ZNF823: variants seen among roughly 807,000 people sequenced by gnomAD.
The protein encoded by ZNF823 is zinc finger protein 823, also known as ZFP 36 for a zinc finger protein.
ZNF823 carries 5 observed loss-of-function variants against 11.4 expected under a neutral mutation model. The ratio of observed to expected loss-of-function variants is 0.44; its 90% CI spans 0.23 to 0.92. The LOEUF (loss-of-function observed/expected upper bound fraction) is 0.92, where lower values mean the gene tolerates loss of function less well. Ranked by LOEUF, ZNF823 falls within the 40% of genes least tolerant of loss-of-function variation. ZNF823 has a pLI of 0.24. For synonymous variants in ZNF823, 234 were observed against 250.5 expected (o/e 0.93, Z 0.62); for missense variants, 582 against 738.5 (o/e 0.79, Z 2.46).
At position 11,722,229 on chromosome 19, in the gene ZNF823, TTCA is replaced by T; in HGVS notation, c.1302_1304del (p.His434_Glu435delinsGln). ...AGGGTTTCACTCCAGTGTGAGTTGC[TTCA>T]TGTCTTCGAAGGGAACCGGCAAGAC... On this transcript the variant is annotated inframe_deletion, in exon 4 of 4. Coordinates refer to ENST00000341191, the MANE Select transcript of ZNF823 (RefSeq NM_001080493.4). This position sits in a 1 kb window ranked among gnomAD's most constrained non-coding sequence, Gnocchi z 5.2. The T allele has an allele frequency of 6.2e-7, 1 of 1,614,060 alleles. No homozygotes were observed. Among genetic ancestry groups the T allele is most frequent in the Non-Finnish European group, 8.5e-7 (1 of 1,179,998 alleles).
At position 11,737,019 on chromosome 19, in the gene ZNF823, C is replaced by G. The variant is rs571732853; in HGVS notation, c.3+1798G>C. Among the ~76,000 whole-genome samples the G allele has an allele frequency of 3.3e-5, 5 of 152,314 alleles. No individual in the cohort carries two copies. The East Asian group carries it at 7.7e-4, about 24-fold the overall frequency. On this transcript the variant is annotated intron_variant, in intron 1 of 3. Coordinates refer to ENST00000341191, the MANE Select transcript of ZNF823 (RefSeq NM_001080493.4). ...TGCTCCCCTATAAGGTCCCACCCCC[C>G]ACCTCTGGCTGTCCTCTGGGAGGAG...
At chr19:11,725,491 C>T (rs1974774226) in intron 1 of ZNF823, among the ~76,000 whole-genome samples, 164 bp from the exon 2 acceptor site, 1 of 152,206 alleles carries the variant, frequency 6.6e-6, no homozygotes, top group Non-Finnish European at 1.5e-5. Context: ...CCCACAAAGC[C>T]ATTGTGATGC....
rs554595354 is a variant in ZNF823, at chr19:11,738,553, T to C, written c.3+264A>G. 3.9e-5 allele frequency among the ~76,000 whole-genome samples: 6 copies of C among 152,290 alleles called. No homozygotes were observed. The East Asian group carries it at 1.2e-3, about 30-fold the overall frequency. ...TGCACAATCTGGGGAGACGCGGAGC[T>C]GCGGGCGCGGAGCTGCCCAGAGAGG... On this transcript the variant is annotated intron_variant, in intron 1 of 3. Transcript: ENST00000341191.
chr19:11,731,510 C>A (rs1974894266), intron 1 of ZNF823, among the ~76,000 whole-genome samples: 1 of 152,138 alleles, frequency 6.6e-6, no homozygotes, highest in Non-Finnish European at 1.5e-5. Context: ...GTGCCGTTCG[C>A]TGAACACCAA....
Position 11,723,233 on chromosome 19 carries a change from C to A in ZNF823, c.301G>T (p.Gly101Cys). 1.2e-6 allele frequency: 2 copies of A among 1,614,130 alleles called. No individual in the cohort carries two copies. The highest frequency in any genetic ancestry group is 1.7e-6 in the Non-Finnish European group (2 of 1,179,986). The stretch of plus-strand genomic sequence containing the variant: ...CCCAAGACGACTTCTCCACACTCAC[C>A]ACTGTCACATGGATTTACTCGAGGA... ...NTPRVNPCDSGECGEVVLGHS... is the reference protein window; with the variant it reads ...NTPRVNPCDSCECGEVVLGHS... Residue 101 changes from glycine (G) to cysteine (C), a missense_variant, in exon 4 of 4, where the codon GGT becomes TGT. Gly to Cys is a radical substitution (Grantham distance 159). Transcript: ENST00000341191.
rs550059918 is a variant in ZNF823 at position 11,722,274 on chromosome 19, T to A, written c.1260A>T (p.Gln420His). 1 of 1,614,088 alleles carries A rather than the reference T, an allele frequency of 6.2e-7. No individual in the cohort carries two copies. Among genetic ancestry groups the A allele is most frequent in the Admixed American group, 1.7e-5 (1 of 60,024 alleles). Residue 420 changes from glutamine to histidine, a missense_variant, in exon 4 of 4, where the codon CAA (glutamine) becomes CAT (histidine). By Grantham distance (24) the Gln-to-His change is conservative. Around this residue, in one of 3 missense-constraint regions of ZNF823, gnomAD observed 429 missense variants for 553.7 expected, o/e 0.77. Coordinates refer to ENST00000341191, the MANE Select transcript of ZNF823 (RefSeq NM_001080493.4). This position sits in a 1 kb window ranked among gnomAD's most constrained non-coding sequence, Gnocchi z 5.2. ...CGGCAAGACTGAAGGCTTTACCACA[T>A]TGTTTACATTGATAGGGTTTCTCTC... The part of the protein sequence containing the change: ...HTGEKPYQCK[Q>H]CGKAFSLAGS...
intron 1 of ZNF823, among the ~76,000 whole-genome samples, chr19:11,727,218 A>G (rs745415759): frequency 6.6e-6 from 1 of 152,136 alleles, no homozygotes; most frequent in Non-Finnish European, 1.5e-5. Context: ...GAAAAGGTTA[A>G]AAACCTAACC....
rs1228295818 is a variant in ZNF823 at position 11,722,290 on chromosome 19, G to T, written c.1244C>A (p.Pro415His). The change falls in exon 4 of 4, where the codon CCC (proline) becomes CAC (histidine). Residue 415 changes from proline (P) to histidine (H), a missense_variant. By Grantham distance (77) the Pro-to-His change is moderately conservative (BLOSUM62 -2). Transcript: ENST00000341191. This position sits in a 1 kb window ranked among gnomAD's most constrained non-coding sequence, Gnocchi z 5.2. ...TTTACCACATTGTTTACATTGATAG[G>T]GTTTCTCTCCAGTGTGAGTCCTTTC... ...RHERTHTGEK[P>H]YQCKQCGKAF... 3 of 1,613,996 alleles carry T rather than the reference G, an allele frequency of 1.9e-6. No individual in the cohort carries two copies. Among genetic ancestry groups the T allele is most frequent in the Non-Finnish European group, 2.5e-6 (3 of 1,179,954 alleles).
At chr19:11,729,215 G>A (rs1278331040) in intron 1 of ZNF823, among the ~76,000 whole-genome samples, 2 of 151,126 alleles carry the variant, frequency 1.3e-5, no homozygotes, top group African/African-American at 4.8e-5. Context: ...GCCCAGCAAT[G>A]TGTACATGAA....
In ZNF823 at chr19:11,722,240, G is replaced by A. The variant is rs774009286; in HGVS notation, c.1294C>T (p.Arg432Ter). ...GKAFSLAGSL[R>*]RHEATHTGVK... ...CCAGTGTGAGTTGCTTCATGTCTTCGAAGGGAACCGGCAAGACTGAAGGCT... is the reference window on the plus strand; with the variant it reads ...CCAGTGTGAGTTGCTTCATGTCTTCAAAGGGAACCGGCAAGACTGAAGGCT... The change falls in exon 4 of 4, where the codon CGA (arginine) becomes TGA (stop). Residue 432 changes from arginine (R) to a stop codon, truncating the protein, a stop_gained. Coordinates refer to ENST00000341191, the MANE Select transcript of ZNF823 (RefSeq NM_001080493.4). LOFTEE classifies it low-confidence loss of function (END_TRUNC). This position sits in a 1 kb window ranked among gnomAD's most constrained non-coding sequence, Gnocchi z 5.2. 3.7e-6 allele frequency: 6 copies of A among 1,613,724 alleles called. No homozygotes were observed. The highest frequency in any genetic ancestry group is 5.1e-6 in the Non-Finnish European group (6 of 1,179,934).
intron 1 of ZNF823, among the ~76,000 whole-genome samples, chr19:11,736,506 G>A (rs1393245601): frequency 6.6e-6 from 1 of 152,164 alleles, no homozygotes; most frequent in Non-Finnish European, 1.5e-5. Flanking sequence ...GTGACAGAGC[G>A]AGACTCCGTC....
chr19:11,722,786 A>G lies in ZNF823; in HGVS notation c.748T>C (p.Cys250Arg), dbSNP rs1244329048. ...RIHTGEKAYECKQCSKAFPDY... is the reference protein window; with the variant it reads ...RIHTGEKAYERKQCSKAFPDY... ...GGAAAGGCTTTGGAACACTGCTTAC[A>G]TTCATACGCTTTCTCTCCCGTGTGG... The change falls in exon 4 of 4, where the codon TGT becomes CGT. Residue 250 changes from cysteine (C) to arginine (R), a missense_variant. Cys to Arg is a radical substitution (Grantham distance 180, BLOSUM62 -3). This residue lies in a region of ZNF823 where 429 missense variants were observed against 553.7 expected (regional missense o/e 0.77). Coordinates refer to ENST00000341191, the MANE Select transcript of ZNF823 (RefSeq NM_001080493.4). The surrounding 1 kb of genome is among the most constrained non-coding windows in gnomAD (Gnocchi z 5.2). The G allele has an allele frequency of 1.9e-6, 3 of 1,614,166 alleles. No individual in the cohort carries two copies. Among genetic ancestry groups the G allele is most frequent in the Non-Finnish European group, 2.5e-6 (3 of 1,180,028 alleles).
intron 1 of ZNF823, among the ~76,000 whole-genome samples, chr19:11,738,304 G>A (rs571111284): frequency 6.6e-6 from 1 of 152,266 alleles, no homozygotes; most frequent in East Asian, 1.9e-4. Flanking sequence ...TCAGCAGAAT[G>A]CGGTTTCTTC....
At position 11,727,629 on chromosome 19, in the gene ZNF823, C is replaced by T. The variant is rs773444751; in HGVS notation, c.4-2302G>A. ...TAAAGGATTTTTAAACTATAATATT[C>T]GGCATCCTATACTATTAACAGGGAG... is the stretch of plus-strand genomic sequence containing the variant. On this transcript the variant is annotated intron_variant, in intron 1 of 3. Coordinates refer to ENST00000341191, the MANE Select transcript of ZNF823 (RefSeq NM_001080493.4). Among the ~76,000 whole-genome samples the T allele has an allele frequency of 1.4e-4, 22 of 152,150 alleles. No homozygotes were observed. In the South Asian group the frequency reaches 2.9e-3, roughly 20 times the overall value.
intron 1 of ZNF823, among the ~76,000 whole-genome samples, chr19:11,731,358 T>C (rs1331969217): frequency 6.6e-6 from 1 of 152,144 alleles, no homozygotes; most frequent in African/African-American, 2.4e-5. Context: ...TAATGGAATA[T>C]TAAGTGTAAT....
At chr19:11,724,340 A>G in intron 2 of ZNF823, 86 bp from the exon 3 acceptor site, 1 of 1,224,418 alleles carries the variant, frequency 8.2e-7, no homozygotes, top group South Asian at 1.5e-5. Context: ...GCAATCATGC[A>G]TGATTCATTC....
intron 1 of ZNF823, among the ~76,000 whole-genome samples, chr19:11,727,641 C>T (rs1042041477): frequency 3.9e-5 from 6 of 152,158 alleles, no homozygotes; most frequent in Admixed American, 2.6e-4. Flanking sequence ...GCATCCTATA[C>T]TATTAACAGG....
chr19:11,731,516 A>T (rs1179221770), intron 1 of ZNF823, among the ~76,000 whole-genome samples: 1 of 152,126 alleles, frequency 6.6e-6, no homozygotes, highest in African/African-American at 2.4e-5. Flanking sequence ...TTCGCTGAAC[A>T]CCAACCAATT....
At chr19:11,724,599 C>T (rs1031770522) in intron 2 of ZNF823, among the ~76,000 whole-genome samples, 5 of 149,080 alleles carry the variant, frequency 3.4e-5, no homozygotes, top group Admixed American at 2.7e-4. Context: ...CGCTCTGTCG[C>T]CCAGGCTGGA....
Sources: gnomAD v4.1 joint callset for allele counts (sites outside exome capture counted in the v4.1 genomes callset) on GRCh38, gnomAD v4.1.1 for gene constraint, gnomAD v4.1.1 regional missense constraint, Gnocchi (gnomAD v3.1) non-coding constraint, MANE v1.5 for transcripts, NCBI Gene and HGNC (gene_info 2026-07-23, HGNC 2026-07-21) for gene names.